Variants in PLCXD2 observed in about 807,000 individuals in gnomAD.
The protein encoded by PLCXD2 is phosphatidylinositol specific phospholipase C X domain containing 2.
A neutral mutation model predicts 28.6 loss-of-function variants in PLCXD2; 21 were observed. The ratio of observed to expected loss-of-function variants is 0.73; its 90% CI spans 0.52 to 1.06. The LOEUF (loss-of-function observed/expected upper bound fraction) is 1.06, where lower values mean the gene tolerates loss of function less well. PLCXD2 is among the 50% of genes least tolerant of loss of function. PLCXD2 has a pLI of 0.00. For synonymous variants in PLCXD2, 140 were observed against 150.1 expected (o/e 0.93, Z 0.49); for missense variants, 369 against 376.7 (o/e 0.98, Z 0.17).
intron 1 of PLCXD2, among the ~76,000 whole-genome samples, chr3:111,691,096 G>A (rs973311911): frequency 4.6e-5 from 7 of 152,152 alleles, no homozygotes; most frequent in South Asian, 2.1e-4. Context: ...GCAATTTGAC[G>A]AAATTCTCAG....
intron 1 of PLCXD2, among the ~76,000 whole-genome samples, chr3:111,694,912 C>A (rs1362079154): frequency 6.6e-6 from 1 of 152,104 alleles, no homozygotes; most frequent in East Asian, 1.9e-4. Context: ...GCCTGTATTG[C>A]CTGTATGCAT....
At chr3:111,712,837 G>T (rs1941219982) in intron 2 of PLCXD2, among the ~76,000 whole-genome samples, 1 of 152,232 alleles carries the variant, frequency 6.6e-6, no homozygotes, top group Non-Finnish European at 1.5e-5. Flanking sequence ...TATTCCTTTA[G>T]AAACCTTCAC....
chr3:111,705,810 G>T (rs989672304), intron 1 of PLCXD2, among the ~76,000 whole-genome samples: 2 of 151,960 alleles, frequency 1.3e-5, no homozygotes, highest in Admixed American at 6.6e-5. Flanking sequence ...TGGTTTTGTT[G>T]TTGTTCGTTT....
At position 111,683,470 on chromosome 3, in the gene PLCXD2, C is replaced by T. The variant is rs544812529; in HGVS notation, c.163+8062C>T. Among the ~76,000 whole-genome samples, 4 of 152,188 alleles carry T rather than the reference C, an allele frequency of 2.6e-5. No homozygotes were observed. In the South Asian group the frequency reaches 8.3e-4, roughly 32 times the overall value. Reference sequence around the variant, plus strand: ...AGTTGGTCAGAAATGGGTGGAAAGTCCCCCCTAAAATAACTGCATAAGAGT... The same window carrying T: ...AGTTGGTCAGAAATGGGTGGAAAGTTCCCCCTAAAATAACTGCATAAGAGT... On this transcript the variant is annotated intron_variant, in intron 1 of 4. Coordinates refer to ENST00000477665, the MANE Select transcript of PLCXD2 (RefSeq NM_001185106.1).
intron 1 of PLCXD2, among the ~76,000 whole-genome samples, chr3:111,691,649 A>G (rs1421740970): frequency 2.0e-5 from 3 of 152,246 alleles, no homozygotes; most frequent in Non-Finnish European, 4.4e-5. Flanking sequence ...TAAATGAACA[A>G]TGCACTTGAC....
rs142879456 is a variant in PLCXD2, at chr3:111,723,949, G to A, written c.867-8670G>A. On this transcript the variant is annotated intron_variant, in intron 3 of 4. Transcript: ENST00000477665. ...AGGACTTTAGTTTCACAGAATTTTAGGTCATATTTATTCTGAAATACAACT... is the reference window on the plus strand; with the variant it reads ...AGGACTTTAGTTTCACAGAATTTTAAGTCATATTTATTCTGAAATACAACT... The A allele has an allele frequency of 1.2e-3, 189 of 152,198 alleles. 1 individual carries two copies. Among genetic ancestry groups the A allele is most frequent in the African/African-American group, 4.4e-3 (181 of 41,522 alleles). 9.4% of individuals were successfully genotyped at this position (152,198 alleles called of 1,614,324 possible).
intron 3 of PLCXD2, among the ~76,000 whole-genome samples, chr3:111,716,120 C>T (rs1006997500): frequency 2.6e-4 from 39 of 152,312 alleles, no homozygotes; most frequent in Non-Finnish European, 2.5e-4. Flanking sequence ...TTTGGCATCT[C>T]GCCCCCCTGC....
intron 1 of PLCXD2, among the ~76,000 whole-genome samples, chr3:111,702,947 A>C (rs1166490563): frequency 2.6e-5 from 4 of 152,244 alleles, no homozygotes; most frequent in Non-Finnish European, 4.4e-5. Context: ...TAAATATTGT[A>C]TGTGCAGGAA....
chr3:111,702,895 G>C (rs1315469035), intron 1 of PLCXD2, among the ~76,000 whole-genome samples: 3 of 152,150 alleles, frequency 2.0e-5, no homozygotes, highest in Admixed American at 6.5e-5. Flanking sequence ...AAAATATTAG[G>C]ATTTTCTATT....
At chr3:111,707,881 A>G (rs775958936) in intron 1 of PLCXD2, 45 bp from the exon 2 acceptor site, 3 of 1,507,768 alleles carry the variant, frequency 2.0e-6, no homozygotes, top group African/African-American at 2.8e-5. Flanking sequence ...TATTTTTCCC[A>G]GCTCCCGTCT....
Position 111,674,728 on chromosome 3 carries a change from A to G in PLCXD2, c.-518A>G, listed in dbSNP as rs1940591912. 6.5e-6 allele frequency: 1 copy of G among 152,856 alleles called. No individual in the cohort carries two copies. The highest frequency in any genetic ancestry group is 1.5e-5 in the Non-Finnish European group (1 of 68,512). The allele number at this position is 152,856 out of a possible 1,614,324, so 9.5% of individuals were successfully genotyped here. On this transcript the variant is annotated 5_prime_UTR_variant, in exon 1 of 5. Transcript: ENST00000477665. ...ACTTCTGTGTGTCTTTCAGGAAGCC[A>G]CAGGGCAGGGGGCGTCTGTGCAGAG...
At chr3:111,713,352 A>G (rs1302965189) in intron 2 of PLCXD2, among the ~76,000 whole-genome samples, 1 of 152,216 alleles carries the variant, frequency 6.6e-6, no homozygotes, top group East Asian at 1.9e-4. Flanking sequence ...GTGACCCACA[A>G]CAATCTTAGC....
At chr3:111,692,065 G>A (rs1002074098) in intron 1 of PLCXD2, among the ~76,000 whole-genome samples, 18 of 152,102 alleles carry the variant, frequency 1.2e-4, no homozygotes, top group African/African-American at 3.6e-4. Context: ...TTTTTGAGAC[G>A]GAGTCTGGCT....
At chr3:111,707,102 T>G (rs1390084322) in intron 1 of PLCXD2, among the ~76,000 whole-genome samples, 2 of 152,182 alleles carry the variant, frequency 1.3e-5, no homozygotes, top group African/African-American at 4.8e-5. Flanking sequence ...TACAAAACAT[T>G]TCATACTATC....
intron 1 of PLCXD2, among the ~76,000 whole-genome samples, chr3:111,681,804 C>T (rs957225342): frequency 1.3e-5 from 2 of 152,182 alleles, no homozygotes; most frequent in African/African-American, 4.8e-5. Context: ...GTTTCTAACA[C>T]GTGATCTGAC....
intron 1 of PLCXD2, among the ~76,000 whole-genome samples, chr3:111,699,225 A>G (rs954246812): frequency 2.0e-5 from 3 of 152,212 alleles, no homozygotes; most frequent in South Asian, 2.1e-4. Context: ...TCTTGTCTCA[A>G]TCTTCCCTCC....
At chr3:111,717,839 T>A (rs899741950) in intron 3 of PLCXD2, among the ~76,000 whole-genome samples, 10 of 152,304 alleles carry the variant, frequency 6.6e-5, no homozygotes, top group Admixed American at 3.3e-4. Flanking sequence ...CCTTGGTCTA[T>A]CTTTAAGGAA....
chr3:111,675,728 C>T (rs529571988), intron 1 of PLCXD2, among the ~76,000 whole-genome samples: 2 of 152,200 alleles, frequency 1.3e-5, no homozygotes, highest in South Asian at 4.2e-4. Context: ...GGTGCATTGT[C>T]TTAAATCACT....
chr3:111,718,499 A>AGAT (rs766412652), intron 3 of PLCXD2, among the ~76,000 whole-genome samples: 5 of 105,620 alleles, frequency 4.7e-5, no homozygotes, highest in Non-Finnish European at 8.3e-5. Context: ...GATGATAGAT[A>AGAT]GATAGATAGA....
Sources: gnomAD v4.1 joint callset for allele counts (sites outside exome capture counted in the v4.1 genomes callset) on GRCh38, gnomAD v4.1.1 for gene constraint, MANE v1.5 for transcripts, NCBI Gene and HGNC (gene_info 2026-07-23, HGNC 2026-07-21) for gene names.